The following GPC5 variants were observed in gnomAD, a reference collection of about 807,000 sequenced individuals.
GPC5 encodes the protein glypican 5.
In GPC5, 47 loss-of-function variants were observed where a neutral mutation model predicts 53.9. The ratio of observed to expected loss-of-function variants is 0.87; its 90% confidence interval spans 0.69 to 1.11. The LOEUF (loss-of-function observed/expected upper bound fraction) is 1.11, where lower values mean the gene tolerates loss of function less well. Among genes scored for constraint, GPC5 ranks in the 50% most tolerant of loss-of-function variants. GPC5 has a pLI of 0.00. For missense variants in GPC5, 748 were observed against 713.1 expected, an observed-to-expected ratio of 1.05 and a Z score of -0.56; for synonymous variants, 286 against 263.3, an observed-to-expected ratio of 1.09 and a Z score of -0.84.
intron 6 of GPC5, among the ~76,000 whole-genome samples, chr13:92,008,810 A>G (rs1367651745): frequency 1.3e-5 from 2 of 152,058 alleles, no homozygotes; most frequent in Non-Finnish European, 2.9e-5. Context: ...CATATGTTGT[A>G]ATGTTTAATA....
chr13:92,245,350 T>C (rs1392685025), intron 7 of GPC5, among the ~76,000 whole-genome samples: 1 of 152,174 alleles, frequency 6.6e-6, no homozygotes, highest in Non-Finnish European at 1.5e-5. Context: ...CATATCATGA[T>C]TTATTTTTGT....
At chr13:91,416,889 G>C (rs999180923) in intron 1 of GPC5, among the ~76,000 whole-genome samples, 5 of 152,178 alleles carry the variant, frequency 3.3e-5, no homozygotes, top group Non-Finnish European at 7.3e-5. Context: ...CTTTGCTATT[G>C]TGAATAGTGC....
At chr13:92,606,810 T>C (rs927328480) in intron 7 of GPC5, among the ~76,000 whole-genome samples, 1 of 152,110 alleles carries the variant, frequency 6.6e-6, no homozygotes. Context: ...TCCTCAAGAA[T>C]GGTATGACTG....
At chr13:92,023,718 A>G (rs2040778428) in intron 6 of GPC5, among the ~76,000 whole-genome samples, 3 of 147,220 alleles carry the variant, frequency 2.0e-5, no homozygotes, top group Admixed American at 6.8e-5. Context: ...TTATAAATTT[A>G]TTTTAGTCAA....
At chr13:92,638,679 T>C (rs548510384) in intron 7 of GPC5, among the ~76,000 whole-genome samples, 1 of 152,202 alleles carries the variant, frequency 6.6e-6, no homozygotes, top group African/African-American at 2.4e-5. Flanking sequence ...ATGTTAAGGC[T>C]TCTATGAAAG....
intron 2 of GPC5, among the ~76,000 whole-genome samples, chr13:91,554,968 A>T (rs2030859125): frequency 6.6e-6 from 1 of 152,124 alleles, no homozygotes; most frequent in African/African-American, 2.4e-5. Flanking sequence ...GCCTTAGCCC[A>T]CACAGGCTTC....
At chr13:92,049,688 T>A (rs2041011480) in intron 6 of GPC5, among the ~76,000 whole-genome samples, 2 of 152,150 alleles carry the variant, frequency 1.3e-5, no homozygotes, top group Non-Finnish European at 2.9e-5. Context: ...CATTTAACTG[T>A]CTCTGCGCCT....
intron 7 of GPC5, among the ~76,000 whole-genome samples, chr13:92,782,801 G>A (rs1876080474): frequency 6.6e-6 from 1 of 152,068 alleles, no homozygotes; most frequent in South Asian, 2.1e-4. Flanking sequence ...TATTAAACGT[G>A]CCTGGGATTC....
At chr13:92,757,026 C>A (rs1457121682) in intron 7 of GPC5, among the ~76,000 whole-genome samples, 1 of 151,776 alleles carries the variant, frequency 6.6e-6, no homozygotes, top group African/African-American at 2.4e-5. Context: ...ATTGCCAAGT[C>A]AATCCTAAGC....
At position 91,555,856 on chromosome 13, in the gene GPC5, T is replaced by C. The variant is rs115058751; in HGVS notation, c.325+106934T>C. ...ATCAAATCTCCTGAAAGTTATTCAC[T>C]ACCATGAGACCAGTATGGGGGAAAC... On this transcript the variant is annotated intron_variant, in intron 2 of 7. Transcript: ENST00000377067. Among the ~76,000 whole-genome samples the C allele has an allele frequency of 4.7e-3, 714 of 152,136 alleles. 4 individuals are homozygous for C. Among genetic ancestry groups the C allele is most frequent in the African/African-American group, 0.016 (681 of 41,528 alleles).
At chr13:92,629,922 G>A (rs1210267289) in intron 7 of GPC5, among the ~76,000 whole-genome samples, 1 of 152,192 alleles carries the variant, frequency 6.6e-6, no homozygotes, top group Non-Finnish European at 1.5e-5. Context: ...GGTCCTAAAG[G>A]AAGCCTTGAG....
At chr13:92,367,530 G>C (rs1410109450) in intron 7 of GPC5, among the ~76,000 whole-genome samples, 1 of 152,160 alleles carries the variant, frequency 6.6e-6, no homozygotes, top group Non-Finnish European at 1.5e-5. Flanking sequence ...TGATGTAAGG[G>C]TGAGATTGGT....
intron 7 of GPC5, among the ~76,000 whole-genome samples, chr13:92,251,173 G>T (rs544102966): frequency 6.6e-5 from 10 of 152,230 alleles, no homozygotes; most frequent in Admixed American, 4.6e-4. Context: ...GCAGTTAAGG[G>T]TGGGATTGAT....
intron 2 of GPC5, among the ~76,000 whole-genome samples, chr13:91,449,982 T>G (rs1319278030): frequency 6.6e-6 from 1 of 152,152 alleles, no homozygotes; most frequent in Non-Finnish European, 1.5e-5. Flanking sequence ...TACATTAATG[T>G]CAATCTATTT....
chr13:92,365,766 T>A (rs2043602822), intron 7 of GPC5, among the ~76,000 whole-genome samples: 1 of 151,406 alleles, frequency 6.6e-6, no homozygotes, highest in Non-Finnish European at 1.5e-5. Flanking sequence ...TTCTTCCACC[T>A]TCACATCTTG....
intron 2 of GPC5, among the ~76,000 whole-genome samples, chr13:91,453,151 A>G (rs1291808861): frequency 6.6e-6 from 1 of 151,946 alleles, no homozygotes; most frequent in Non-Finnish European, 1.5e-5. Context: ...AAGATTGGCA[A>G]GCCTGTCCTC....
intron 7 of GPC5, among the ~76,000 whole-genome samples, chr13:92,214,065 C>T (rs768272344): frequency 2.8e-4 from 42 of 152,222 alleles, no homozygotes; most frequent in Admixed American, 5.9e-4. Context: ...GAAAATCATA[C>T]ATGATTAGAG....
At chr13:92,394,717 T>C (rs1875180278) in intron 7 of GPC5, among the ~76,000 whole-genome samples, 1 of 152,074 alleles carries the variant, frequency 6.6e-6, no homozygotes, top group South Asian at 2.1e-4. Context: ...TTCTATGTTT[T>C]AAACAAATTA....
chr13:91,970,546 T>C (rs1433460326), intron 6 of GPC5, among the ~76,000 whole-genome samples: 1 of 152,114 alleles, frequency 6.6e-6, no homozygotes, highest in African/African-American at 2.4e-5. Flanking sequence ...AATCACCACA[T>C]TGTCTGCATT....
Sources: allele counts gnomAD v4.1 joint callset (sites outside exome capture counted in the v4.1 genomes callset), GRCh38; gene constraint gnomAD v4.1.1; transcripts MANE v1.5; gene names NCBI Gene and HGNC (gene_info 2026-07-23, HGNC 2026-07-21).